The following ZDHHC14 variants were observed in gnomAD, a reference collection of about 807,000 sequenced individuals.
ZDHHC14 encodes palmitoyltransferase ZDHHC14.
In ZDHHC14, 16 loss-of-function variants were observed where a neutral mutation model predicts 47.7. The observed-to-expected ratio is 0.34, with a 90% CI of 0.23 to 0.51. The LOEUF is 0.51. Ranked by LOEUF, ZDHHC14 falls within the 20% of genes least tolerant of loss-of-function variation. ZDHHC14 has a pLI of 0.97. For synonymous variants in ZDHHC14, 293 were observed against 278.9 expected, an observed-to-expected ratio of 1.05 and a Z score of -0.50; for missense variants, 515 against 662.5, an observed-to-expected ratio of 0.78 and a Z score of 2.44.
At chr6:157,411,928 T>C (rs1307197673) in intron 1 of ZDHHC14, among the ~76,000 whole-genome samples, 3 of 151,316 alleles carry the variant, frequency 2.0e-5, no homozygotes, top group Admixed American at 6.6e-5. Context: ...TACATATATA[T>C]ATATTTATAT....
In ZDHHC14 at chr6:157,673,464, C is replaced by A; in HGVS notation, c.*342C>A. The A allele has an allele frequency of 2.9e-6, 1 of 345,676 alleles. No homozygotes were observed. Among genetic ancestry groups the A allele is most frequent in the Admixed American group, 5.1e-5 (1 of 19,770 alleles). 21.4% of individuals were successfully genotyped at this position (345,676 alleles called of 1,614,324 possible). A position where few individuals can be genotyped will look rare whatever the true frequency, so the allele number is the denominator to read the frequency against. On this transcript the variant is annotated 3_prime_UTR_variant, in exon 9 of 9. Transcript: ENST00000359775. The surrounding 1 kb of genome is among the most constrained non-coding windows in gnomAD (Gnocchi z 5.4). ...AAGGCTTCTGACGCTTGTGGCCAGA[C>A]TGCAATTGCACTTATGTGTTATGCT...
At chr6:157,492,375 T>C (rs1779946849) in intron 1 of ZDHHC14, among the ~76,000 whole-genome samples, 1 of 152,164 alleles carries the variant, frequency 6.6e-6, no homozygotes, top group Non-Finnish European at 1.5e-5. Context: ...CTGCCCGGCC[T>C]GCTCTCTGCC....
intron 2 of ZDHHC14, among the ~76,000 whole-genome samples, chr6:157,585,369 G>A (rs1407565710): frequency 6.7e-6 from 1 of 149,440 alleles, no homozygotes; most frequent in Non-Finnish European, 1.5e-5. Context: ...GCCCAAAGAG[G>A]CAGAGGCACA....
chr6:157,649,177 A>T (rs1777700980), intron 7 of ZDHHC14, among the ~76,000 whole-genome samples: 1 of 152,202 alleles, frequency 6.6e-6, no homozygotes. Context: ...TAAAAGGTAA[A>T]CTGAAGGACA....
At chr6:157,668,508 A>G (rs1583102303) in intron 8 of ZDHHC14, among the ~76,000 whole-genome samples, 1 of 143,750 alleles carries the variant, frequency 7.0e-6, no homozygotes, top group Admixed American at 7.1e-5. Flanking sequence ...ACACAGTAAA[A>G]CCCCCATCTC....
At chr6:157,654,606 G>A (rs1373854451) in intron 8 of ZDHHC14, among the ~76,000 whole-genome samples, 1 of 152,080 alleles carries the variant, frequency 6.6e-6, no homozygotes, top group Non-Finnish European at 1.5e-5. Context: ...AGACAGTCCT[G>A]AGGCTGCCAA....
At chr6:157,593,221 C>A in intron 3 of ZDHHC14, 75 bp downstream of exon 3, 1 of 1,506,654 alleles carries the variant, frequency 6.6e-7, no homozygotes, top group East Asian at 2.3e-5. Context: ...AACCCTGCGC[C>A]ACGGAACACT....
chr6:157,643,810 T>TGCTC (rs1777382589), intron 5 of ZDHHC14, among the ~76,000 whole-genome samples: 1 of 151,468 alleles, frequency 6.6e-6, no homozygotes, highest in South Asian at 2.1e-4. Context: ...GGATTGTCAC[T>TGCTC]GCTCGTACAT....
intron 1 of ZDHHC14, among the ~76,000 whole-genome samples, chr6:157,535,712 C>T (rs186093075): frequency 8.5e-5 from 13 of 152,310 alleles, no homozygotes; most frequent in East Asian, 3.9e-4. Flanking sequence ...GTCCTGCCAT[C>T]GTGATCTTGT....
intron 1 of ZDHHC14, among the ~76,000 whole-genome samples, chr6:157,530,693 T>C (rs1245552787): frequency 6.6e-6 from 1 of 152,218 alleles, no homozygotes; most frequent in African/African-American, 2.4e-5. Flanking sequence ...AAAAGCACCT[T>C]ATTTCCATTT....
rs1783268567 is a variant in ZDHHC14, at chr6:157,575,432, TC to T, written c.407-17555del. Among the ~76,000 whole-genome samples the T allele has an allele frequency of 2.0e-5, 3 of 152,176 alleles. No individual in the cohort carries two copies. In the South Asian group the frequency reaches 6.2e-4, roughly 32 times the overall value. Reference sequence around the variant, plus strand: ...AACATCCCAGATGTGGCTACAGGGTTCTGTGTGGCCTAGCCCCTGCCTTCCT... The same window carrying T: ...AACATCCCAGATGTGGCTACAGGGTTTGTGTGGCCTAGCCCCTGCCTTCCT... On this transcript the variant is annotated intron_variant, in intron 2 of 8. Coordinates refer to ENST00000359775, the MANE Select transcript of ZDHHC14 (RefSeq NM_024630.3).
In ZDHHC14 at chr6:157,643,300, A is replaced by G. The variant is rs540297474; in HGVS notation, c.753-2437A>G. Among the ~76,000 whole-genome samples the G allele has an allele frequency of 1.7e-4, 26 of 152,328 alleles. No homozygotes were observed. In the South Asian group the frequency reaches 5.2e-3, roughly 30 times the overall value. On this transcript the variant is annotated intron_variant, in intron 5 of 8. Coordinates refer to ENST00000359775, the MANE Select transcript of ZDHHC14 (RefSeq NM_024630.3). ...CTTTGGATTCATGTCATTTTGACAC[A>G]GCTGCAAGCTGACAGTGGAACTGCA...
At chr6:157,606,628 G>T (rs1400837808) in intron 3 of ZDHHC14, among the ~76,000 whole-genome samples, 2 of 152,240 alleles carry the variant, frequency 1.3e-5, no homozygotes, top group Non-Finnish European at 2.9e-5. Flanking sequence ...AAGAAGCCGG[G>T]TGGGTGATCA....
chr6:157,522,688 G>C (rs1039629124), intron 1 of ZDHHC14, among the ~76,000 whole-genome samples: 2 of 146,192 alleles, frequency 1.4e-5, no homozygotes, highest in Non-Finnish European at 3.0e-5. Context: ...CCTACTCACT[G>C]TAAGAAGTTT....
At chr6:157,642,269 T>C (rs908529846) in intron 5 of ZDHHC14, among the ~76,000 whole-genome samples, 10 of 152,184 alleles carry the variant, frequency 6.6e-5, no homozygotes, top group African/African-American at 2.2e-4. Context: ...CCATTCTGCC[T>C]CCTGCACAAC....
intron 1 of ZDHHC14, among the ~76,000 whole-genome samples, chr6:157,526,914 G>A (rs1268526253): frequency 6.6e-6 from 1 of 152,206 alleles, no homozygotes; most frequent in Non-Finnish European, 1.5e-5. Flanking sequence ...AGGGATGTGG[G>A]GAGAGGGGCC....
intron 2 of ZDHHC14, among the ~76,000 whole-genome samples, chr6:157,559,642 C>G (rs965800197): frequency 6.6e-6 from 1 of 152,226 alleles, no homozygotes. Flanking sequence ...AAGACATACT[C>G]CATTCATTGT....
intron 1 of ZDHHC14, among the ~76,000 whole-genome samples, chr6:157,382,776 A>T (rs1055960973): frequency 6.6e-6 from 1 of 152,202 alleles, no homozygotes; most frequent in Non-Finnish European, 1.5e-5. Context: ...AATCTTGGCT[A>T]TTTCAGGTTT....
rs541913042 is a variant in ZDHHC14, at chr6:157,561,933, C to T, written c.406+19188C>T. ...CTGGGCCCTGAATTTAAAAGTTAAA[C>T]GCAGAATACATAGATGTTCTCAGAG... is the stretch of plus-strand genomic sequence containing the variant. On this transcript the variant is annotated intron_variant, in intron 2 of 8. Transcript: ENST00000359775. Among the ~76,000 whole-genome samples, 120 of 152,148 alleles carry T rather than the reference C, an allele frequency of 7.9e-4. 2 individuals carry two copies. The highest frequency in any genetic ancestry group is 2.8e-3 in the African/African-American group (115 of 41,524).
Sources: allele counts gnomAD v4.1 joint callset (sites outside exome capture counted in the v4.1 genomes callset), GRCh38; gene constraint gnomAD v4.1.1; non-coding constraint Gnocchi (gnomAD v3.1); transcripts MANE v1.5; gene names NCBI Gene and HGNC (gene_info 2026-07-23, HGNC 2026-07-21).